HERC2: variants seen among roughly 807,000 people sequenced by gnomAD.
HERC2 encodes HECT and RLD domain containing E3 ubiquitin protein ligase 2.
In HERC2, 102 loss-of-function variants were observed where a neutral mutation model predicts 537.7. That is an observed-to-expected ratio of 0.19 (90% confidence interval 0.16 to 0.22). The LOEUF (loss-of-function observed/expected upper bound fraction) is 0.22. Ranked by LOEUF, HERC2 falls within the 10% of genes least tolerant of loss-of-function variation. The pLI, the probability that HERC2 is intolerant of heterozygous loss-of-function variation, is 1.00. For missense variants in HERC2, 4,236 were observed against 6,198.2 expected, an observed-to-expected ratio of 0.68 and a Z score of 10.63; for synonymous variants, 2,224 against 2,466.2, an observed-to-expected ratio of 0.90 and a Z score of 2.91.
At chr15:28,139,934 G>C (rs1223738533) in intron 78 of HERC2, among the ~76,000 whole-genome samples, 1 of 151,446 alleles carries the variant, frequency 6.6e-6, no homozygotes, top group African/African-American at 2.4e-5. Context: ...CAGGCGTGGT[G>C]GCGGGCGCCT....
chr15:28,267,180 G>A (rs2075591316), intron 12 of HERC2, among the ~76,000 whole-genome samples: 2 of 152,128 alleles, frequency 1.3e-5, no homozygotes, highest in Non-Finnish European at 2.9e-5. Context: ...CTACTAGTTT[G>A]CAAAATACAC....
chr15:28,227,456 CAA>C (rs1233124884), intron 35 of HERC2, among the ~76,000 whole-genome samples: 2 of 97,694 alleles, frequency 2.0e-5, no homozygotes, highest in Admixed American at 1.1e-4. Flanking sequence ...GGCCTTCATC[CAA>C]AAAAAAAAAG....
At chr15:28,209,660 T>C (rs1476612231) in intron 44 of HERC2, among the ~76,000 whole-genome samples, 3 of 152,180 alleles carry the variant, frequency 2.0e-5, no homozygotes, top group Non-Finnish European at 4.4e-5. Flanking sequence ...CATTTATATT[T>C]TTAAAGTATT....
Position 28,125,053 on chromosome 15 carries a change from C to A in HERC2, c.12943G>T (p.Ala4315Ser), listed in dbSNP as rs765243004. Residue 4315 changes from alanine to serine, a missense_variant, in exon 84 of 93, where the codon GCC (alanine) becomes TCC (serine). Physicochemically the swap from Ala to Ser is moderately conservative, Grantham distance 99. Coordinates refer to ENST00000261609, the MANE Select transcript of HERC2 (RefSeq NM_004667.6). ...RVACGSAHTL[A>S]WSTSKPASAG... The stretch of plus-strand genomic sequence containing the variant: ...CTGGCGGGCTTGCTGGTCGACCAGG[C>A]GAGGGTATGTGCTGAGCCACAGGCC... 1.9e-6 allele frequency: 3 copies of A among 1,609,904 alleles called. No homozygotes were observed. Among genetic ancestry groups the A allele is most frequent in the Non-Finnish European group, 2.5e-6 (3 of 1,176,474 alleles).
intron 69 of HERC2, among the ~76,000 whole-genome samples, chr15:28,160,755 G>A (rs559064901): frequency 1.4e-3 from 216 of 152,276 alleles, no homozygotes; most frequent in African/African-American, 5.0e-3. Context: ...CCCGCTGTCC[G>A]ACAAGCCCCA....
intron 86 of HERC2, among the ~76,000 whole-genome samples, chr15:28,119,776 A>C (rs1033447881): frequency 2.0e-5 from 3 of 152,136 alleles, no homozygotes; most frequent in African/African-American, 4.8e-5. Context: ...TTTGCCATTT[A>C]CCCAGTTTGT....
At chr15:28,277,770 T>C (rs1007020767) in intron 5 of HERC2, among the ~76,000 whole-genome samples, 2 of 152,202 alleles carry the variant, frequency 1.3e-5, no homozygotes, top group Non-Finnish European at 2.9e-5. Flanking sequence ...GAATCTCATC[T>C]GTCTCTTGGT....
chr15:28,185,738 T>TG (rs1896246629), intron 56 of HERC2, among the ~76,000 whole-genome samples: 1 of 152,200 alleles, frequency 6.6e-6, no homozygotes, highest in Non-Finnish European at 1.5e-5. Context: ...ACGTATGGCC[T>TG]GGGGGGAAGT....
intron 14 of HERC2, among the ~76,000 whole-genome samples, chr15:28,263,830 G>A (rs1252347347): frequency 2.0e-5 from 3 of 151,826 alleles, no homozygotes; most frequent in African/African-American, 4.8e-5. Context: ...CCAGGAGTTC[G>A]AGACCAGCCT....
intron 23 of HERC2, among the ~76,000 whole-genome samples, chr15:28,242,797 AT>A (rs1350804149): frequency 1.3e-5 from 2 of 152,260 alleles, no homozygotes; most frequent in African/African-American, 4.8e-5. Context: ...AATAAAAAAA[AT>A]AAAAATTATA....
intron 56 of HERC2, among the ~76,000 whole-genome samples, chr15:28,183,222 T>A (rs2140204065): frequency 6.6e-6 from 1 of 152,216 alleles, no homozygotes. Flanking sequence ...ATTTTTTGTT[T>A]GTTTTGAGAC....
intron 42 of HERC2, 137 bp from the exon 43 acceptor site, chr15:28,212,720 T>A (rs1265456332): frequency 1.0e-6 from 1 of 980,664 alleles, no homozygotes; most frequent in East Asian, 2.6e-5. Context: ...AGAATAATCA[T>A]TTTTTAAAAT....
At chr15:28,156,951 G>A (rs540944676) in intron 69 of HERC2, among the ~76,000 whole-genome samples, 1 of 152,316 alleles carries the variant, frequency 6.6e-6, no homozygotes, top group East Asian at 1.9e-4. Context: ...TGAGTTTTTA[G>A]CATGAAGGGC....
chr15:28,214,246 G>A lies in HERC2; in HGVS notation c.6385C>T (p.Arg2129Cys), dbSNP rs138059246. The A allele has an allele frequency of 1.4e-3, 2,179 of 1,610,674 alleles. 2 individuals are homozygous for A. Among genetic ancestry groups the A allele is most frequent in the Non-Finnish European group, 1.8e-3 (2,093 of 1,178,850 alleles). ...GTGGCAGTCAGCGAGGCCTGCGGGCGCACCCTGCGCCGCCTCAGCGTGGAC... is the reference window on the plus strand; with the variant it reads ...GTGGCAGTCAGCGAGGCCTGCGGGCACACCCTGCGCCGCCTCAGCGTGGAC... ...RESTLRRRRV[R>C]PQASLTATHS... Residue 2129 changes from arginine to cysteine, a missense_variant, in exon 41 of 93, where the codon CGC becomes TGC. Arg to Cys is a radical substitution (Grantham distance 180, BLOSUM62 -3). This residue lies in a region of HERC2 where 365 missense variants were observed against 468.8 expected (regional missense o/e 0.78). Transcript: ENST00000261609.
chr15:28,246,678 A>T, intron 22 of HERC2, 64 bp downstream of exon 22: 1 of 1,370,974 alleles, frequency 7.3e-7, no homozygotes, highest in South Asian at 1.5e-5. Context: ...TCAGCAAAGA[A>T]GACACTTTAG....
intron 65 of HERC2, 98 bp downstream of exon 65, chr15:28,174,297 G>A (rs964208316): frequency 1.2e-6 from 1 of 820,316 alleles, no homozygotes; most frequent in African/African-American, 1.8e-5. Context: ...AGTTAACATG[G>A]CACTACAACC....
chr15:28,132,407 A>C (rs540700757), intron 80 of HERC2, 146 bp from the exon 81 acceptor site: 350 of 879,720 alleles, frequency 4.0e-4, no homozygotes, highest in Admixed American at 1.3e-3. Flanking sequence ...CCTATAAGAC[A>C]AAAGAGAAAG....
At chr15:28,249,273 TG>T (rs1904032452) in intron 20 of HERC2, among the ~76,000 whole-genome samples, 1 of 152,094 alleles carries the variant, frequency 6.6e-6, no homozygotes, top group Non-Finnish European at 1.5e-5. Context: ...CAAGCAGCAC[TG>T]GGGTGGGCCA....
chr15:28,142,998 G>A (rs765032943), intron 74 of HERC2, 46 bp from the exon 75 acceptor site: 38 of 1,591,252 alleles, frequency 2.4e-5, no homozygotes, highest in East Asian at 9.0e-5. Context: ...TCCAGGTGCC[G>A]GGGAGGCTGA....
Sources: gnomAD v4.1 joint callset for allele counts (sites outside exome capture counted in the v4.1 genomes callset) on GRCh38, gnomAD v4.1.1 for gene constraint, gnomAD v4.1.1 regional missense constraint, MANE v1.5 for transcripts, NCBI Gene and HGNC (gene_info 2026-07-23, HGNC 2026-07-21) for gene names.